PPARGC1A: variants seen among roughly 807,000 people sequenced by gnomAD.
The protein encoded by PPARGC1A is PPARG coactivator 1 alpha.
Under a neutral mutation model 88.7 loss-of-function variants are expected in PPARGC1A, and 25 were observed. The observed-to-expected ratio is 0.28, with a 90% confidence interval of 0.21 to 0.39. PPARGC1A has a LOEUF of 0.39. PPARGC1A is among the 10% of genes least tolerant of loss of function. PPARGC1A has a pLI of 1.00. For missense variants in PPARGC1A, 880 were observed against 968.7 expected (o/e 0.91, Z 1.22); for synonymous variants, 363 against 355.6 (o/e 1.02, Z -0.24).
the PPARGC1A span, among the ~76,000 whole-genome samples, chr4:24,207,334 G>T: frequency 0.017 from 2,570 of 152,204 alleles, 89 homozygotes; most frequent in African/African-American, 0.058. Flanking sequence ...CTCTAACATA[G>T]TCCCAATACC....
chr4:24,200,337 C>G, the PPARGC1A span, among the ~76,000 whole-genome samples: 2 of 151,742 alleles, frequency 1.3e-5, no homozygotes, highest in East Asian at 1.9e-4. Flanking sequence ...ATGGTGAAAC[C>G]CTGTCTCTAC....
chr4:24,311,597 AC>A, the PPARGC1A span, among the ~76,000 whole-genome samples: 1 of 151,780 alleles, frequency 6.6e-6, no homozygotes, highest in Non-Finnish European at 1.5e-5. Flanking sequence ...CCAAGATCAC[AC>A]CACTGCACTC....
intron 1 of PPARGC1A, among the ~76,000 whole-genome samples, chr4:23,897,381 T>A (rs757602802): frequency 6.6e-6 from 1 of 152,184 alleles, no homozygotes; most frequent in Non-Finnish European, 1.5e-5. Context: ...AAGAAGAACA[T>A]GGCCCTCATT....
In PPARGC1A at chr4:23,794,182, A is replaced by T. The variant is rs1297851132; in HGVS notation, c.*1640T>A. ...AAAAATTAAAACAAAACAGCATTTT[A>T]AAAAGATTTTTGACTTCTAGTTTCA... On this transcript the variant is annotated 3_prime_UTR_variant, in exon 13 of 13. Transcript: ENST00000264867. 6.6e-6 allele frequency: 1 copy of T among 152,596 alleles called. No individual in the cohort carries two copies. Among genetic ancestry groups the T allele is most frequent in the Admixed American group, 6.6e-5 (1 of 15,252 alleles). 9.5% of individuals were successfully genotyped at this position (152,596 alleles called of 1,614,324 possible).
At chr4:23,843,910 TATC>T (rs1053382410) in intron 2 of PPARGC1A, among the ~76,000 whole-genome samples, 3 of 152,116 alleles carry the variant, frequency 2.0e-5, no homozygotes, top group East Asian at 1.9e-4. Context: ...TGCAGACCAA[TATC>T]ATATTTACAG....
chr4:23,944,063 T>C, the PPARGC1A span, among the ~76,000 whole-genome samples: 11 of 152,246 alleles, frequency 7.2e-5, no homozygotes, highest in South Asian at 2.3e-3. Context: ...AAGGACATTA[T>C]AGAAAAACTA....
At chr4:23,945,924 G>A in the PPARGC1A span, among the ~76,000 whole-genome samples, 1 of 152,174 alleles carries the variant, frequency 6.6e-6, no homozygotes, top group Non-Finnish European at 1.5e-5. Context: ...CATGTGACCT[G>A]CAGATGTGAG....
At chr4:23,863,909 G>A (rs898354578) in intron 2 of PPARGC1A, among the ~76,000 whole-genome samples, 3 of 152,106 alleles carry the variant, frequency 2.0e-5, no homozygotes, top group Non-Finnish European at 4.4e-5. Flanking sequence ...ATCACGCCTG[G>A]CTAATTTTTG....
At chr4:24,431,178 A>G in the PPARGC1A span, among the ~76,000 whole-genome samples, 1 of 151,894 alleles carries the variant, frequency 6.6e-6, no homozygotes, top group Admixed American at 6.6e-5. Flanking sequence ...ACAAGAAAGT[A>G]GGACCAAGTC....
chr4:23,829,638 A>G, intron 3 of PPARGC1A, 53 bp from the exon 4 acceptor site: 1 of 1,540,606 alleles, frequency 6.5e-7, no homozygotes, highest in South Asian at 1.3e-5. Flanking sequence ...GCATCTTTTA[A>G]GCATTGGAAT....
chr4:23,820,357 G>A (rs1722790280), intron 7 of PPARGC1A: 1 of 154,246 alleles, frequency 6.5e-6, no homozygotes, highest in East Asian at 1.9e-4. Context: ...TTCTACTGCT[G>A]TTACAATGTT....
intron 2 of PPARGC1A, among the ~76,000 whole-genome samples, chr4:23,832,825 T>C (rs2148557550): frequency 6.6e-6 from 1 of 152,162 alleles, no homozygotes; most frequent in South Asian, 2.1e-4. Context: ...TTAGCCAGGA[T>C]GGTCTCGATC....
chr4:23,966,443 A>G, the PPARGC1A span, among the ~76,000 whole-genome samples: 1 of 152,314 alleles, frequency 6.6e-6, no homozygotes, highest in East Asian at 1.9e-4. Context: ...AACCACATAG[A>G]GCTAGCAGCT....
chr4:24,317,556 A>T, the PPARGC1A span, among the ~76,000 whole-genome samples: 25 of 30,878 alleles, frequency 8.1e-4, no homozygotes, highest in African/African-American at 4.0e-3. Flanking sequence ...TCAGAGGACT[A>T]AAAAAAAAAA....
At chr4:24,068,949 G>A in the PPARGC1A span, among the ~76,000 whole-genome samples, 2 of 152,212 alleles carry the variant, frequency 1.3e-5, no homozygotes, top group South Asian at 2.1e-4. Flanking sequence ...GTAGTGAAAT[G>A]AGCATGGAAT....
chr4:24,457,080 T>C, the PPARGC1A span, among the ~76,000 whole-genome samples: 11 of 152,150 alleles, frequency 7.2e-5, no homozygotes, highest in Admixed American at 4.6e-4. Context: ...ATATGGTCTA[T>C]GGGAATTTCA....
the PPARGC1A span, among the ~76,000 whole-genome samples, chr4:24,101,960 C>T: frequency 6.6e-6 from 1 of 151,400 alleles, no homozygotes; most frequent in Non-Finnish European, 1.5e-5. Flanking sequence ...CATCCACGCC[C>T]TCATGGTCTT....
rs3774923 is a variant in PPARGC1A, at chr4:23,793,441, C to T, written c.*2381G>A. 8,313 of 152,486 alleles carry T rather than the reference C, an allele frequency of 0.055. 314 individuals carry two copies. Among genetic ancestry groups the T allele is most frequent in the East Asian group, 0.18 (943 of 5,160 alleles). 9.4% of individuals were successfully genotyped at this position (152,486 alleles called of 1,614,324 possible). On this transcript the variant is annotated 3_prime_UTR_variant, in exon 13 of 13. Coordinates refer to ENST00000264867, the MANE Select transcript of PPARGC1A (RefSeq NM_013261.5). ...TCCGACAGGACAAACAGTGGATTCA[C>T]TCAGAACACAATATGCTGGTGATAA...
the PPARGC1A span, among the ~76,000 whole-genome samples, chr4:24,418,149 C>T: frequency 6.6e-6 from 1 of 152,134 alleles, no homozygotes; most frequent in Admixed American, 6.5e-5. Flanking sequence ...ACAAGTGCAG[C>T]CACCATGGGA....
Sources: allele counts gnomAD v4.1 joint callset (sites outside exome capture counted in the v4.1 genomes callset), GRCh38; gene constraint gnomAD v4.1.1; transcripts MANE v1.5; gene names NCBI Gene and HGNC (gene_info 2026-07-23, HGNC 2026-07-21).